Variants in DNAH5 observed in about 807,000 individuals in gnomAD.
DNAH5 encodes the protein axonemal beta dynein heavy chain 5.
Under a neutral mutation model 518.2 loss-of-function variants are expected in DNAH5, and 372 were observed. The ratio of observed to expected loss-of-function variants is 0.72; its 90% CI spans 0.66 to 0.78. DNAH5 has a LOEUF of 0.78. DNAH5 is among the 30% of genes least tolerant of loss of function. The pLI, the probability that DNAH5 is intolerant of heterozygous loss-of-function variation, is 0.00. For missense variants in DNAH5, 5,523 were observed against 5,687.0 expected (o/e 0.97, Z 0.93); for synonymous variants, 2,039 against 2,025.9 (o/e 1.01, Z -0.17).
chr5:13,931,552 T>C (rs1054000546), intron 1 of DNAH5, among the ~76,000 whole-genome samples: 2 of 152,236 alleles, frequency 1.3e-5, no homozygotes, highest in African/African-American at 4.8e-5. Context: ...TCTATGCATA[T>C]ATAAGCATTC....
chr5:13,927,974 C>T (rs1580932039), intron 3 of DNAH5, 120 bp downstream of exon 3: 1 of 783,788 alleles, frequency 1.3e-6, no homozygotes, highest in Non-Finnish European at 2.2e-6. Flanking sequence ...CCCACACACG[C>T]ATCTCCCTCC....
At chr5:13,967,179 A>C (rs1218698444) in intron 1 of DNAH5, among the ~76,000 whole-genome samples, 1 of 152,170 alleles carries the variant, frequency 6.6e-6, no homozygotes, top group Non-Finnish European at 1.5e-5. Flanking sequence ...TTTTTGGTTT[A>C]ATTAAGTCCC....
intron 35 of DNAH5, among the ~76,000 whole-genome samples, chr5:13,838,207 C>G (rs993128625): frequency 1.3e-5 from 2 of 152,152 alleles, no homozygotes; most frequent in Non-Finnish European, 2.9e-5. Context: ...AAGCAAATCA[C>G]AGAATATTAG....
intron 35 of DNAH5, among the ~76,000 whole-genome samples, chr5:13,832,853 A>G (rs76223721): frequency 0.013 from 2,046 of 152,272 alleles, 49 homozygotes; most frequent in African/African-American, 0.043. Context: ...AACCAACCCC[A>G]TGACCCCAGG....
chr5:13,758,088 A>G (rs1751259335), intron 61 of DNAH5, among the ~76,000 whole-genome samples: 1 of 152,072 alleles, frequency 6.6e-6, no homozygotes, highest in Admixed American at 6.6e-5. Flanking sequence ...AAAAAAAAAA[A>G]TCAGTATGTA....
intron 53 of DNAH5, among the ~76,000 whole-genome samples, chr5:13,780,377 C>G (rs373164796): frequency 1.3e-5 from 2 of 152,310 alleles, no homozygotes; most frequent in African/African-American, 2.4e-5. Flanking sequence ...CCTGATGATA[C>G]GGCTAGATTC....
intron 1 of DNAH5, among the ~76,000 whole-genome samples, chr5:13,995,931 A>G (rs1561061238): frequency 1.3e-5 from 2 of 152,218 alleles, no homozygotes; most frequent in Non-Finnish European, 2.9e-5. Context: ...AGTACAGTTT[A>G]CAGATTTGTA....
chr5:13,729,519 A>G lies in DNAH5; in HGVS notation c.11803T>C (p.Ser3935Pro), dbSNP rs145685491. ...CATGTTATGTCCAGGATCCATTTTGATGGTTTTGGAGGACAAGCTTTAAGG... is the reference window on the plus strand; with the variant it reads ...CATGTTATGTCCAGGATCCATTTTGGTGGTTTTGGAGGACAAGCTTTAAGG... ...LDLKACPPKP[S>P]KWILDITWLN... The change falls in exon 69 of 79, where the codon TCA becomes CCA. Residue 3935 changes from serine (S) to proline (P), a missense_variant. Physicochemically the swap from Ser to Pro is moderately conservative, Grantham distance 74 (BLOSUM62 -1). Transcript: ENST00000265104. The G allele has an allele frequency of 1.9e-6, 3 of 1,613,812 alleles. No homozygotes were observed. The highest frequency in any genetic ancestry group is 1.1e-5 in the South Asian group (1 of 91,080).
In DNAH5 at chr5:13,883,054, G is replaced by A. The variant is rs372336970; in HGVS notation, c.3024C>T (p.Pro1008=). The A allele has an allele frequency of 1.9e-6, 3 of 1,613,972 alleles. No homozygotes were observed. Among genetic ancestry groups the A allele is most frequent in the Non-Finnish European group, 2.5e-6 (3 of 1,180,034 alleles). Residue 1008 remains proline (P), a synonymous_variant, in exon 20 of 79, where the codon CCC becomes CCT. Transcript: ENST00000265104. ...CCAGAGTGACGCTTGCCCGGAAAAT[G>A]GGCAAACTGTTCTGCTTCATGTTAG... ...SASNMKQNSL[P]IFRASVTLAI...
rs778347381 is a variant in DNAH5, at chr5:13,700,945, A to T, written c.13492-74T>A. The T allele has an allele frequency of 1.4e-5, 21 of 1,456,692 alleles. No homozygotes were observed. The Admixed American group carries it at 2.7e-4, about 19-fold the overall frequency. 90.2% of individuals were successfully genotyped at this position (1,456,692 alleles called of 1,614,324 possible). On this transcript the variant is annotated intron_variant, in intron 77 of 78. Transcript: ENST00000265104. ...ATAGAAAGAGCATAACAATAATGAA[A>T]GCTTGGCTCCGAATCACTCTAACTC...
rs143056661 is a variant in DNAH5 at position 13,724,724 on chromosome 5, G to C, written c.12033+2783C>G. On this transcript the variant is annotated intron_variant, in intron 70 of 78. Transcript: ENST00000265104. ...CTTGGTGCTGTACTCATGAGAGTGA[G>C]TGAGTTCTTCCCAGATCTGGTTGTT... Among the ~76,000 whole-genome samples, 240 of 152,306 alleles carry C rather than the reference G, an allele frequency of 1.6e-3. 1 individual carries two copies. The South Asian group carries it at 0.016, about 10-fold the overall frequency.
At chr5:13,951,242 G>C (rs187606861) in intron 1 of DNAH5, among the ~76,000 whole-genome samples, 1,129 of 97,212 alleles carry the variant, frequency 0.012, 7 homozygotes, top group Non-Finnish European at 0.017. Flanking sequence ...TTTGAAGCAG[G>C]GTCTTGCTCT....
intron 47 of DNAH5, among the ~76,000 whole-genome samples, chr5:13,804,926 T>G (rs936820644): frequency 6.6e-6 from 1 of 152,238 alleles, no homozygotes; most frequent in African/African-American, 2.4e-5. Context: ...ACCACAGATC[T>G]TTAATACCTG....
rs186550858 is a variant in DNAH5 at position 13,703,583 on chromosome 5, C to G, written c.13339-2147G>C. Among the ~76,000 whole-genome samples the G allele has an allele frequency of 3.7e-3, 562 of 152,304 alleles. 14 individuals carry two copies. The highest frequency in any genetic ancestry group is 0.033 in the Admixed American group (512 of 15,306). ...CATGACCCTCTGCTCTCTAATGACC[C>G]TGATGTCCATTCCATTTCATTCCTC... On this transcript the variant is annotated intron_variant, in intron 76 of 78. Transcript: ENST00000265104.
chr5:13,977,505 C>G (rs1191986879), intron 1 of DNAH5, among the ~76,000 whole-genome samples: 1 of 152,184 alleles, frequency 6.6e-6, no homozygotes, highest in Admixed American at 6.5e-5. Flanking sequence ...TCTCACATCC[C>G]AAGCTGCTCC....
chr5:13,885,861 A>T, intron 18 of DNAH5, 103 bp downstream of exon 18: 2 of 1,061,252 alleles, frequency 1.9e-6, no homozygotes, highest in South Asian at 1.4e-5. Flanking sequence ...AATCGAGAGG[A>T]TGTTTATAGA....
chr5:13,880,590 T>C lies in DNAH5; in HGVS notation c.3262+2138A>G, dbSNP rs922282577. Among the ~76,000 whole-genome samples, 6 of 152,088 alleles carry C rather than the reference T, an allele frequency of 3.9e-5. No individual in the cohort carries two copies. In the South Asian group the frequency reaches 1.2e-3, roughly 32 times the overall value. ...GGAGTAAAAGTATAGAATTTGTATA[T>C]GCAATCAAAACTATGTTGTTACCAA... On this transcript the variant is annotated intron_variant, in intron 21 of 78. Coordinates refer to ENST00000265104, the MANE Select transcript of DNAH5 (RefSeq NM_001369.3).
intron 31 of DNAH5, among the ~76,000 whole-genome samples, chr5:13,847,810 G>A (rs1360306141): frequency 6.6e-6 from 1 of 152,038 alleles, no homozygotes; most frequent in Non-Finnish European, 1.5e-5. Context: ...GGTGGTGGGT[G>A]GAAGATGAGG....
intron 21 of DNAH5, among the ~76,000 whole-genome samples, chr5:13,880,235 T>C (rs1255613342): frequency 6.6e-6 from 1 of 152,164 alleles, no homozygotes; most frequent in Non-Finnish European, 1.5e-5. Context: ...GGTATAAACT[T>C]TCTCATACAA....
Sources: gnomAD v4.1 joint callset for allele counts (sites outside exome capture counted in the v4.1 genomes callset) on GRCh38, gnomAD v4.1.1 for gene constraint, MANE v1.5 for transcripts, NCBI Gene and HGNC (gene_info 2026-07-23, HGNC 2026-07-21) for gene names.